The following PDZD2 variants were observed in gnomAD, a reference collection of about 807,000 sequenced individuals.
The protein encoded by PDZD2 is PDZ domain containing 2.
PDZD2 carries 90 observed loss-of-function variants against 220.7 expected under a neutral mutation model. That is an observed-to-expected ratio of 0.41 (90% confidence interval 0.34 to 0.49). PDZD2 has a LOEUF of 0.49. Ranked by LOEUF, PDZD2 falls within the 20% of genes least tolerant of loss-of-function variation. The pLI, the probability that PDZD2 is intolerant of heterozygous loss-of-function variation, is 0.28. For synonymous variants in PDZD2, 1,375 were observed against 1,450.5 expected, an observed-to-expected ratio of 0.95 and a Z score of 1.18; for missense variants, 3,174 against 3,608.5, an observed-to-expected ratio of 0.88 and a Z score of 3.08.
chr5:31,701,125 G>A (rs956237671), intron 1 of PDZD2, among the ~76,000 whole-genome samples: 2 of 152,172 alleles, frequency 1.3e-5, no homozygotes, highest in African/African-American at 4.8e-5. Context: ...AGCACACAGC[G>A]GATCCTCCAT....
At chr5:31,866,303 G>A (rs1038872333) in intron 2 of PDZD2, among the ~76,000 whole-genome samples, 2 of 152,160 alleles carry the variant, frequency 1.3e-5, no homozygotes, top group Admixed American at 6.6e-5. Flanking sequence ...CCAGCCTCAG[G>A]ATGGCAACTC....
rs1450655207 is a variant in PDZD2 at position 31,849,903 on chromosome 5, T to TATATATATATACATATATATATACAC, written c.476+50180_476+50181insTATATATATACATATATATATACACA. On this transcript the variant is annotated intron_variant, in intron 2 of 24. Coordinates refer to ENST00000438447, the MANE Select transcript of PDZD2 (RefSeq NM_178140.4). The stretch of plus-strand genomic sequence containing the variant: ...ATATATATATACACATATATATATA[T>TATATATATATACATATATATATACAC]ACATATATATATATACATATATATA... Among the ~76,000 whole-genome samples the TATATATATATACATATATATATACAC allele has an allele frequency of 7.8e-5, 2 of 25,676 alleles. 1 individual carries two copies. The highest frequency in any genetic ancestry group is 4.5e-4 in the African/African-American group (2 of 4,482). The allele number at this position is 25,676 out of a possible 152,430, so 16.8% of individuals were successfully genotyped here.
intron 2 of PDZD2, chr5:31,820,762 A>T (rs1257833267): frequency 1.3e-5 from 2 of 152,202 alleles, no homozygotes; most frequent in Non-Finnish European, 2.9e-5. Flanking sequence ...TTACCAAATT[A>T]CACCCCTACC....
At chr5:32,049,952 G>A (rs1416302202) in intron 8 of PDZD2, among the ~76,000 whole-genome samples, 3 of 152,010 alleles carry the variant, frequency 2.0e-5, no homozygotes, top group Non-Finnish European at 2.9e-5. Flanking sequence ...TTTATTTTTT[G>A]AGACTGAGTC....
At chr5:31,677,032 C>T (rs1301016882) in intron 1 of PDZD2, among the ~76,000 whole-genome samples, 1 of 152,078 alleles carries the variant, frequency 6.6e-6, no homozygotes, top group Non-Finnish European at 1.5e-5. Flanking sequence ...TGTGTCCCCT[C>T]GATAGGGTCA....
chr5:32,069,141 C>T (rs1740507553), intron 14 of PDZD2, among the ~76,000 whole-genome samples: 1 of 151,648 alleles, frequency 6.6e-6, no homozygotes, highest in South Asian at 2.1e-4. Flanking sequence ...TGGTGCGCGC[C>T]TATAGTCCCA....
chr5:31,927,183 A>AACCGGTAT (rs1196259009), intron 2 of PDZD2, among the ~76,000 whole-genome samples: 1 of 152,208 alleles, frequency 6.6e-6, no homozygotes, highest in East Asian at 1.9e-4. Context: ...CCAGGTAACC[A>AACCGGTAT]ACCGGCATAT....
intron 2 of PDZD2, among the ~76,000 whole-genome samples, chr5:31,867,710 C>T (rs1738358179): frequency 6.6e-6 from 1 of 152,120 alleles, no homozygotes; most frequent in South Asian, 2.1e-4. Context: ...AATTAGACTG[C>T]CTGAGAGCAA....
intron 2 of PDZD2, among the ~76,000 whole-genome samples, chr5:31,963,897 C>A (rs1748480495): frequency 6.6e-6 from 1 of 152,194 alleles, no homozygotes; most frequent in African/African-American, 2.4e-5. Flanking sequence ...CTTCTCAATG[C>A]CATGATGTAG....
At chr5:32,024,019 A>G (rs1754426122) in intron 6 of PDZD2, among the ~76,000 whole-genome samples, 1 of 152,242 alleles carries the variant, frequency 6.6e-6, no homozygotes, top group Non-Finnish European at 1.5e-5. Context: ...CTACGTAGCC[A>G]GCTCCATGAT....
At chr5:31,964,472 T>G (rs1281184361) in intron 2 of PDZD2, among the ~76,000 whole-genome samples, 1 of 152,238 alleles carries the variant, frequency 6.6e-6, no homozygotes, top group Non-Finnish European at 1.5e-5. Context: ...CAGAGAGTCC[T>G]AATCGGAAGG....
At chr5:32,012,290 C>T (rs1753385214) in intron 6 of PDZD2, among the ~76,000 whole-genome samples, 1 of 152,140 alleles carries the variant, frequency 6.6e-6, no homozygotes, top group Admixed American at 6.6e-5. Flanking sequence ...CCCTGCAGCA[C>T]GTCTGCACCC....
intron 2 of PDZD2, among the ~76,000 whole-genome samples, chr5:31,883,271 A>C (rs1580986019): frequency 1.7e-5 from 2 of 118,338 alleles, no homozygotes; most frequent in South Asian, 6.0e-4. Context: ...CCCAGGCTGG[A>C]GTGCAGTGGC....
chr5:31,790,177 G>A (rs143015816), intron 1 of PDZD2, among the ~76,000 whole-genome samples: 4,776 of 151,724 alleles, frequency 0.031, 228 homozygotes, highest in African/African-American at 0.11. Context: ...GTGCAATCTC[G>A]GCTCACTGCA....
intron 6 of PDZD2, among the ~76,000 whole-genome samples, chr5:32,022,185 G>GTTTTTTTTT (rs145876120): frequency 5.4e-4 from 73 of 135,594 alleles, no homozygotes; most frequent in Non-Finnish European, 7.0e-4. Context: ...TTGTTTTTTT[G>GTTTTTTTTT]TTTTTTTGTT....
At chr5:32,038,773 G>A (rs912460076) in intron 7 of PDZD2, among the ~76,000 whole-genome samples, 1 of 152,092 alleles carries the variant, frequency 6.6e-6, no homozygotes, top group Non-Finnish European at 1.5e-5. Context: ...GAGTTTTGAA[G>A]CCTGGCAGAA....
At position 31,983,307 on chromosome 5, in the gene PDZD2, C is replaced by A. The variant is rs749035781; in HGVS notation, c.629C>A (p.Ala210Glu). ...ACCTTGGAGCTGGGTGACCGAACTG[C>A]GAAAAAGGGGAAACGAACCAGAAAG... ...TPTLELGDRTAKKGKRTRKFG... is the reference protein window; with the variant it reads ...TPTLELGDRTEKKGKRTRKFG... The change falls in exon 3 of 25, where the codon GCG becomes GAG. Residue 210 changes from alanine to glutamate, a missense_variant. Transcript: ENST00000438447. 1 of 1,614,086 alleles carries A rather than the reference C, an allele frequency of 6.2e-7. No homozygotes were observed. Among genetic ancestry groups the A allele is most frequent in the South Asian group, 1.1e-5 (1 of 91,084 alleles).
intron 1 of PDZD2, among the ~76,000 whole-genome samples, chr5:31,771,300 A>G (rs1317726379): frequency 6.6e-6 from 1 of 152,194 alleles, no homozygotes; most frequent in Non-Finnish European, 1.5e-5. Flanking sequence ...TTTGGTATTT[A>G]TCTTGTGCAT....
At chr5:31,932,347 G>A (rs1391089302) in intron 2 of PDZD2, among the ~76,000 whole-genome samples, 2 of 152,088 alleles carry the variant, frequency 1.3e-5, no homozygotes, top group Admixed American at 6.5e-5. Context: ...TCAGGAGTTC[G>A]AGACCAGCCT....
Sources: allele counts gnomAD v4.1 joint callset (sites outside exome capture counted in the v4.1 genomes callset), GRCh38; gene constraint gnomAD v4.1.1; transcripts MANE v1.5; gene names NCBI Gene and HGNC (gene_info 2026-07-23, HGNC 2026-07-21).